TCF25: variants seen among roughly 807,000 people sequenced by gnomAD.
The protein encoded by TCF25 is TCF25 ribosome quality control complex subunit, also known as ribosome quality control complex subunit TCF25.
A neutral mutation model predicts 83.1 loss-of-function variants in TCF25; 41 were observed. The observed-to-expected ratio is 0.49, with a 90% CI of 0.38 to 0.64. The LOEUF (loss-of-function observed/expected upper bound fraction) is 0.64, where lower values mean the gene tolerates loss of function less well. Ranked by LOEUF, TCF25 falls within the 30% of genes least tolerant of loss-of-function variation. The probability of loss-of-function intolerance (pLI) is 0.00; values close to 1 mark genes in which losing one functional copy is unlikely to be tolerated. For synonymous variants in TCF25, 458 were observed against 365.0 expected (o/e 1.25, Z -2.90); for missense variants, 979 against 914.5 (o/e 1.07, Z -0.91).
intron 16 of TCF25, chr16:89,909,326 G>A (rs2045346117): frequency 1.0e-5 from 4 of 390,638 alleles, no homozygotes; most frequent in East Asian, 7.5e-5. Context: ...CCTGGCCAAC[G>A]TGCTGAAAAC....
At position 89,887,190 on chromosome 16, in the gene TCF25, C is replaced by T. The variant is rs533723110; in HGVS notation, c.549-462C>T. 7.9e-5 allele frequency among the ~76,000 whole-genome samples: 12 copies of T among 152,086 alleles called. No homozygotes were observed. The South Asian group carries it at 2.1e-3, about 26-fold the overall frequency. ...CTGGAATTACAGGTGTGAACCACCA[C>T]GTCTGGTCAAAAAGTTCCTCCTTAC... On this transcript the variant is annotated intron_variant, in intron 4 of 17. Coordinates refer to ENST00000263346, the MANE Select transcript of TCF25 (RefSeq NM_014972.3).
At chr16:89,894,307 C>T (rs924460977) in intron 7 of TCF25, among the ~76,000 whole-genome samples, 5 of 149,154 alleles carry the variant, frequency 3.4e-5, no homozygotes, top group East Asian at 2.0e-4. Flanking sequence ...CGTACAGCCC[C>T]GGTGCAACCC....
chr16:89,877,721 G>T (rs916170656), intron 1 of TCF25, among the ~76,000 whole-genome samples: 2 of 152,122 alleles, frequency 1.3e-5, no homozygotes, highest in African/African-American at 4.8e-5. Flanking sequence ...CAAAAGACGA[G>T]TTGGCAAAAA....
rs1597324329 is a variant in TCF25, at chr16:89,892,173, C to T, written c.615-20C>T. 3.8e-6 allele frequency: 6 copies of T among 1,593,026 alleles called. No homozygotes were observed. Among genetic ancestry groups the T allele is most frequent in the Non-Finnish European group, 5.1e-6 (6 of 1,169,944 alleles). On this transcript the variant is annotated intron_variant, in intron 5 of 17. Transcript: ENST00000263346. ...CACGCCACAGGAAGTAAAGCTGTAC[C>T]TGTGTCCCGTTCTCCCCAGGCCACG...
chr16:89,883,404 CT>C lies in TCF25; in HGVS notation c.247del (p.Cys83ValfsTer65), dbSNP rs1185397048. 1 of 1,613,982 alleles carries C rather than the reference CT, an allele frequency of 6.2e-7. No homozygotes were observed. On this transcript the variant is annotated frameshift_variant, in exon 2 of 18. Transcript: ENST00000263346. LOFTEE classifies it high-confidence loss of function. ...DPVVNGERSG[C>X]ALTDAVAPGN... is the part of the protein sequence containing the mutation. ...CTGTGGTGAACGGGGAGAGGTCTGG[CT>C]GTGCGCTCACAGACGCTGTGGCACC... is the stretch of plus-strand genomic sequence containing the variant.
chr16:89,882,260 C>T lies in TCF25; in HGVS notation c.193-1091C>T, dbSNP rs374913458. Among the ~76,000 whole-genome samples the T allele has an allele frequency of 5.8e-4, 88 of 152,348 alleles. 1 individual carries two copies. The highest frequency in any genetic ancestry group is 1.9e-3 in the African/African-American group (79 of 41,588). ...TGCTATAAAAAGGTTCCAGACTTGGCGTGGTGGCTCACGCCTGTAACTCCA... is the reference window on the plus strand; with the variant it reads ...TGCTATAAAAAGGTTCCAGACTTGGTGTGGTGGCTCACGCCTGTAACTCCA... On this transcript the variant is annotated intron_variant, in intron 1 of 17. Transcript: ENST00000263346.
intron 5 of TCF25, among the ~76,000 whole-genome samples, 191 bp downstream of exon 5, chr16:89,887,908 G>A (rs556564623): frequency 2.0e-5 from 3 of 152,190 alleles, no homozygotes; most frequent in Non-Finnish European, 2.9e-5. Context: ...GTCTGTGACC[G>A]TGGGTTGTAG....
chr16:89,899,713 A>G (rs925636416), intron 11 of TCF25, among the ~76,000 whole-genome samples: 2 of 151,458 alleles, frequency 1.3e-5, no homozygotes, highest in African/African-American at 4.9e-5. Flanking sequence ...GGGCAACCAG[A>G]GTGAAACTCC....
At chr16:89,891,481 G>A (rs1377543056) in intron 5 of TCF25, among the ~76,000 whole-genome samples, 1 of 152,234 alleles carries the variant, frequency 6.6e-6, no homozygotes, top group Non-Finnish European at 1.5e-5. Context: ...GGGCATGGCT[G>A]CTGCTGTCTG....
At chr16:89,884,559 T>A in intron 2 of TCF25, 23 bp from the exon 3 acceptor site, 1 of 1,611,288 alleles carries the variant, frequency 6.2e-7, no homozygotes, top group Non-Finnish European at 8.5e-7. Context: ...ATTCTACTGA[T>A]GAAAATGTGT....
intron 1 of TCF25, among the ~76,000 whole-genome samples, chr16:89,881,907 A>G (rs2042638559): frequency 6.6e-6 from 1 of 152,018 alleles, no homozygotes; most frequent in African/African-American, 2.4e-5. Flanking sequence ...GGCACGCGCC[A>G]CTGCACCTGG....
chr16:89,878,542 T>C, intron 1 of TCF25: 1 of 1,229,818 alleles, frequency 8.1e-7, no homozygotes, highest in Non-Finnish European at 1.0e-6. Context: ...TCGAGCTTTA[T>C]CCTAAAGAAG....
At chr16:89,889,288 C>A in intron 5 of TCF25, 1 of 377,018 alleles carries the variant, frequency 2.7e-6, no homozygotes, top group Non-Finnish European at 5.2e-6. Context: ...AGTGATCCTC[C>A]CATCTCAGTC....
chr16:89,874,789 T>A (rs929987821), intron 1 of TCF25: 21 of 152,130 alleles, frequency 1.4e-4, no homozygotes, highest in Middle Eastern at 3.4e-3. Flanking sequence ...TTTTTTTTTC[T>A]TTTTTGTAGA....
chr16:89,910,792 C>T (rs570704673), intron 17 of TCF25, 129 bp downstream of exon 17: 3 of 1,125,042 alleles, frequency 2.7e-6, no homozygotes, highest in Non-Finnish European at 3.9e-6. Flanking sequence ...AGGACCAAGG[C>T]TGCATTGTGC....
At position 89,910,674 on chromosome 16, in the gene TCF25, C is replaced by G. The variant is rs2045486614; in HGVS notation, c.1872+11C>G. The G allele has an allele frequency of 6.2e-7, 1 of 1,612,964 alleles. No homozygotes were observed. Among genetic ancestry groups the G allele is most frequent in the Admixed American group, 1.7e-5 (1 of 60,006 alleles). The stretch of plus-strand genomic sequence containing the variant: ...AACTATACCATGGAGGTAGGTTGAG[C>G]TCGTCCCAGCCCCTGCCTCCCCAGT... On this transcript the variant is annotated intron_variant, in intron 17 of 17. Transcript: ENST00000263346.
intron 12 of TCF25, among the ~76,000 whole-genome samples, chr16:89,902,982 C>A (rs542025862): frequency 2.6e-5 from 4 of 152,212 alleles, no homozygotes; most frequent in Non-Finnish European, 5.9e-5. Flanking sequence ...CCCAGAGGGG[C>A]CTGGCCAGGC....
chr16:89,904,631 G>C (rs1403048878), intron 13 of TCF25: 2 of 527,108 alleles, frequency 3.8e-6, no homozygotes, highest in Non-Finnish European at 7.0e-6. Context: ...GCACGCCTTG[G>C]GGTCATCCCC....
intron 16 of TCF25, among the ~76,000 whole-genome samples, chr16:89,908,276 C>T (rs2045145951): frequency 6.9e-6 from 1 of 145,234 alleles, no homozygotes; most frequent in African/African-American, 2.6e-5. Context: ...CCTCTTCCCT[C>T]CTCCCAGTTC....
Sources: gnomAD v4.1 joint callset for allele counts (sites outside exome capture counted in the v4.1 genomes callset) on GRCh38, gnomAD v4.1.1 for gene constraint, MANE v1.5 for transcripts, NCBI Gene and HGNC (gene_info 2026-07-23, HGNC 2026-07-21) for gene names.